The following EDNRB variants were observed in gnomAD, a reference collection of about 807,000 sequenced individuals.
The protein encoded by EDNRB is endothelin receptor type B, also known as Hirschsprung disease 2.
In EDNRB, 18 loss-of-function variants were observed where a neutral mutation model predicts 46.4. The observed-to-expected ratio is 0.39, with a 90% CI of 0.27 to 0.57. The LOEUF is 0.57. EDNRB is among the 20% of genes least tolerant of loss of function. EDNRB has a pLI of 0.61. For missense variants in EDNRB, 434 were observed against 537.5 expected (o/e 0.81, Z 1.90); for synonymous variants, 213 against 204.9 (o/e 1.04, Z -0.34).
chr13:77,940,629 C>T (rs1227357610), intron 1 of EDNRB, among the ~76,000 whole-genome samples: 1 of 152,036 alleles, frequency 6.6e-6, no homozygotes, highest in East Asian at 1.9e-4. Flanking sequence ...AGCATGTATA[C>T]TCACACTGCG....
At chr13:77,900,769 C>G (rs1469709826) in intron 4 of EDNRB, 115 bp from the exon 5 acceptor site, 1 of 1,443,596 alleles carries the variant, frequency 6.9e-7, no homozygotes, top group African/African-American at 1.4e-5. Context: ...TATGTAAAAA[C>G]TCAGGACACT....
At chr13:77,927,033 A>G (rs917406450) in intron 1 of EDNRB, among the ~76,000 whole-genome samples, 1 of 152,240 alleles carries the variant, frequency 6.6e-6, no homozygotes, top group Non-Finnish European at 1.5e-5. Flanking sequence ...ATTTCCCGCC[A>G]GGTATCTCCA....
chr13:77,919,314 A>G, upstream of EDNRB: 1 of 1,428,438 alleles, frequency 7.0e-7, no homozygotes, highest in Non-Finnish European at 9.5e-7. Context: ...TTTTTTTAAA[A>G]TCCCAAACTA....
chr13:77,938,191 C>T (rs1317045959), intron 1 of EDNRB, among the ~76,000 whole-genome samples: 1 of 151,706 alleles, frequency 6.6e-6, no homozygotes, highest in Non-Finnish European at 1.5e-5. Context: ...GAGGCAAGCC[C>T]AGAGAAAAGA....
At chr13:77,974,164 T>G (rs1447153557) in intron 1 of EDNRB, among the ~76,000 whole-genome samples, 1 of 152,010 alleles carries the variant, frequency 6.6e-6, no homozygotes, top group Non-Finnish European at 1.5e-5. Flanking sequence ...AGAATTGGTA[T>G]AGATGGCTTT....
At chr13:77,932,182 T>C (rs762301669) in intron 1 of EDNRB, among the ~76,000 whole-genome samples, 58 of 152,172 alleles carry the variant, frequency 3.8e-4, no homozygotes, top group Non-Finnish European at 7.5e-4. Context: ...GGCACACATA[T>C]GAGGGGGTGA....
At chr13:77,939,347 A>G (rs995611013) in intron 1 of EDNRB, 2 of 152,308 alleles carry the variant, frequency 1.3e-5, no homozygotes, top group Non-Finnish European at 2.9e-5. Context: ...CACAGGGGAT[A>G]TGATGGCTTA....
At chr13:77,941,851 C>A (rs1040044309) in intron 1 of EDNRB, among the ~76,000 whole-genome samples, 1 of 152,070 alleles carries the variant, frequency 6.6e-6, no homozygotes, top group African/African-American at 2.4e-5. Flanking sequence ...TATACAGTAC[C>A]ATTTTGAGTA....
At chr13:77,964,216 C>T (rs532567882) in intron 1 of EDNRB, among the ~76,000 whole-genome samples, 1 of 152,258 alleles carries the variant, frequency 6.6e-6, no homozygotes, top group South Asian at 2.1e-4. Flanking sequence ...AGTGTGGCCA[C>T]TCCTCAAGGA....
At chr13:77,952,839 T>A (rs1368770098) in intron 1 of EDNRB, among the ~76,000 whole-genome samples, 1 of 152,166 alleles carries the variant, frequency 6.6e-6, no homozygotes, top group African/African-American at 2.4e-5. Flanking sequence ...TTTTCATGGA[T>A]GTGCTGTGGA....
intron 6 of EDNRB, 50 bp from the exon 7 acceptor site, chr13:77,898,384 C>G (rs200677118): frequency 5.6e-6 from 9 of 1,607,664 alleles, no homozygotes; most frequent in Middle Eastern, 1.7e-4. Context: ...TCACCTTTCC[C>G]AACTCTTCCT....
chr13:77,971,279 C>A (rs1205496333), intron 1 of EDNRB, among the ~76,000 whole-genome samples: 3 of 152,218 alleles, frequency 2.0e-5, no homozygotes, highest in Non-Finnish European at 4.4e-5. Context: ...CATTTGTTAA[C>A]TAATGATGTC....
At chr13:77,973,553 A>G (rs1328653541) in intron 1 of EDNRB, among the ~76,000 whole-genome samples, 3 of 152,092 alleles carry the variant, frequency 2.0e-5, no homozygotes, top group African/African-American at 7.2e-5. Context: ...TTCAATTAAC[A>G]TTTTAAAACT....
chr13:77,962,258 G>A (rs185278452), intron 1 of EDNRB, among the ~76,000 whole-genome samples: 77 of 152,136 alleles, frequency 5.1e-4, no homozygotes, highest in Admixed American at 2.4e-3. Context: ...GAAAAAGACG[G>A]AATCCCCCCT....
chr13:77,941,979 T>G (rs1348820052), intron 1 of EDNRB, among the ~76,000 whole-genome samples: 1 of 152,188 alleles, frequency 6.6e-6, no homozygotes, highest in Admixed American at 6.5e-5. Context: ...TTAAACATTA[T>G]TAACCACTGC....
chr13:77,898,428 A>G, intron 6 of EDNRB, 94 bp from the exon 7 acceptor site: 1 of 1,572,178 alleles, frequency 6.4e-7, no homozygotes, highest in Non-Finnish European at 8.6e-7. Flanking sequence ...TTGTATGATT[A>G]GGAGTTCTTG....
chr13:77,940,208 A>T (rs1880703352), intron 1 of EDNRB, among the ~76,000 whole-genome samples: 1 of 152,148 alleles, frequency 6.6e-6, no homozygotes. Flanking sequence ...ATGAACAAAG[A>T]GGAATGACAT....
chr13:77,937,083 C>T (rs1427636467), intron 1 of EDNRB, among the ~76,000 whole-genome samples: 3 of 152,176 alleles, frequency 2.0e-5, no homozygotes, highest in Admixed American at 6.5e-5. Context: ...AAGAATAAGG[C>T]GGCCTTCTGG....
At chr13:77,938,720 A>G (rs897061737) in intron 1 of EDNRB, among the ~76,000 whole-genome samples, 3 of 152,282 alleles carry the variant, frequency 2.0e-5, no homozygotes, top group Admixed American at 6.5e-5. Context: ...AAATAAAAGG[A>G]ATTGAAATTA....
Sources: allele counts gnomAD v4.1 joint callset (sites outside exome capture counted in the v4.1 genomes callset), GRCh38; gene constraint gnomAD v4.1.1; transcripts MANE v1.5; gene names NCBI Gene and HGNC (gene_info 2026-07-23, HGNC 2026-07-21).